Variants in CADPS2 observed in about 807,000 individuals in gnomAD.
The protein encoded by CADPS2 is calcium-dependent secretion activator 2.
Under a neutral mutation model 172.5 loss-of-function variants are expected in CADPS2, and 93 were observed. That is an observed-to-expected ratio of 0.54 (90% CI 0.46 to 0.64). The LOEUF (loss-of-function observed/expected upper bound fraction) is 0.64. Ranked by LOEUF, CADPS2 falls within the 30% of genes least tolerant of loss-of-function variation. CADPS2 has a pLI of 0.00. For synonymous variants in CADPS2, 546 were observed against 555.2 expected (o/e 0.98, Z 0.23); for missense variants, 1,420 against 1,565.9 (o/e 0.91, Z 1.57).
chr7:122,413,494 C>G (rs1235960198), intron 19 of CADPS2, among the ~76,000 whole-genome samples: 1 of 152,116 alleles, frequency 6.6e-6, no homozygotes, highest in African/African-American at 2.4e-5. Flanking sequence ...AACCTCTTAG[C>G]CCTGTAAAGT....
chr7:122,865,092 T>C (rs1817943963), intron 1 of CADPS2, among the ~76,000 whole-genome samples: 1 of 152,114 alleles, frequency 6.6e-6, no homozygotes, highest in Admixed American at 6.6e-5. Context: ...GTGAGGGAGT[T>C]CTCACTCTGT....
chr7:122,844,894 A>G (rs1811553560), intron 1 of CADPS2, among the ~76,000 whole-genome samples: 1 of 147,094 alleles, frequency 6.8e-6, no homozygotes, highest in Admixed American at 6.6e-5. Context: ...CAACATCAAA[A>G]TGAAAAAAGG....
chr7:122,712,564 G>A (rs2088918494), intron 2 of CADPS2, among the ~76,000 whole-genome samples: 1 of 152,022 alleles, frequency 6.6e-6, no homozygotes, highest in Non-Finnish European at 1.5e-5. Context: ...ATGAGGTCAT[G>A]GTTATATTTT....
At chr7:122,679,647 T>C (rs1023265124) in intron 2 of CADPS2, among the ~76,000 whole-genome samples, 10 of 152,164 alleles carry the variant, frequency 6.6e-5, no homozygotes, top group African/African-American at 2.4e-4. Context: ...GGTAAAAACT[T>C]GCTGGTTTTA....
intron 20 of CADPS2, among the ~76,000 whole-genome samples, chr7:122,397,511 G>C (rs948076618): frequency 6.6e-5 from 10 of 151,402 alleles, no homozygotes; most frequent in Non-Finnish European, 1.2e-4. Flanking sequence ...CACAAAGAGG[G>C]GGAAAGAAAG....
At chr7:122,667,500 A>C (rs77941650) in intron 2 of CADPS2, among the ~76,000 whole-genome samples, 1,650 of 152,286 alleles carry the variant, frequency 0.011, 28 homozygotes, top group African/African-American at 0.038. Flanking sequence ...TGTAATCAAC[A>C]TTTAGTGTCA....
At chr7:122,636,703 T>C (rs2077099392) in intron 3 of CADPS2, among the ~76,000 whole-genome samples, 2 of 152,148 alleles carry the variant, frequency 1.3e-5, no homozygotes, top group African/African-American at 4.8e-5. Context: ...TGACCTGATG[T>C]GATCCGCCTG....
chr7:122,558,742 T>C (rs1432127464), intron 7 of CADPS2, among the ~76,000 whole-genome samples: 1 of 152,156 alleles, frequency 6.6e-6, no homozygotes, highest in Non-Finnish European at 1.5e-5. Context: ...GAAGTAGCTT[T>C]CTCTTAAAAT....
chr7:122,591,186 C>A (rs933475781), intron 6 of CADPS2, among the ~76,000 whole-genome samples: 1 of 152,008 alleles, frequency 6.6e-6, no homozygotes, highest in Non-Finnish European at 1.5e-5. Flanking sequence ...TTCCTATACA[C>A]CAATAACAGA....
intron 28 of CADPS2, among the ~76,000 whole-genome samples, chr7:122,333,965 C>G (rs117191341): frequency 0.015 from 2,315 of 151,602 alleles, 29 homozygotes; most frequent in Non-Finnish European, 0.024. Flanking sequence ...AATACCAGAG[C>G]CAGATTCACT....
At chr7:122,701,535 A>G (rs1222440844) in intron 2 of CADPS2, 2 of 171,310 alleles carry the variant, frequency 1.2e-5, no homozygotes, top group Non-Finnish European at 2.5e-5. Flanking sequence ...GCACATGTAT[A>G]CATATGTAAC....
chr7:122,877,710 C>G (rs974892333), intron 1 of CADPS2, among the ~76,000 whole-genome samples: 2 of 151,988 alleles, frequency 1.3e-5, no homozygotes, highest in South Asian at 2.1e-4. Context: ...TTGAAGATAT[C>G]GTATGCTCCT....
chr7:122,474,882 A>G (rs1326835417), intron 12 of CADPS2, among the ~76,000 whole-genome samples: 2 of 152,208 alleles, frequency 1.3e-5, no homozygotes, highest in African/African-American at 4.8e-5. Context: ...AAAAACAGCA[A>G]TGATGCCTAG....
At chr7:122,729,656 C>T (rs1253636675) in intron 2 of CADPS2, among the ~76,000 whole-genome samples, 2 of 144,732 alleles carry the variant, frequency 1.4e-5, no homozygotes, top group African/African-American at 5.0e-5. Flanking sequence ...TCTATTTATG[C>T]CCTTTGCCCA....
At chr7:122,407,730 AG>A in intron 19 of CADPS2, 34 bp from the exon 20 acceptor site, 1 of 1,569,182 alleles carries the variant, frequency 6.4e-7, no homozygotes, top group Non-Finnish European at 8.7e-7. Flanking sequence ...GGAGAAAAGT[AG>A]ATTACTTTTT....
intron 14 of CADPS2, among the ~76,000 whole-genome samples, chr7:122,467,531 T>C (rs2055313635): frequency 6.6e-6 from 1 of 152,154 alleles, no homozygotes; most frequent in Non-Finnish European, 1.5e-5. Flanking sequence ...CCATAGAAAA[T>C]TGAGATTATT....
At chr7:122,696,881 T>C (rs1040658353) in intron 2 of CADPS2, among the ~76,000 whole-genome samples, 2 of 152,164 alleles carry the variant, frequency 1.3e-5, no homozygotes, top group African/African-American at 4.8e-5. Context: ...TCAAAAATAC[T>C]CGAGTGCCAG....
At position 122,318,975 on chromosome 7, in the gene CADPS2, A is replaced by G. The variant is rs2031838222; in HGVS notation, c.*1190T>C. 6.6e-6 allele frequency: 1 copy of G among 152,236 alleles called. No individual in the cohort carries two copies. The highest frequency in any genetic ancestry group is 1.5e-5 in the Non-Finnish European group (1 of 68,034). The allele number at this position is 152,236 out of a possible 1,614,324, so 9.4% of individuals were successfully genotyped here. A position where few individuals can be genotyped will look rare whatever the true frequency, so the allele number is the denominator to read the frequency against. ...AATCTGCCAATATGTTTTGGGAAAT[A>G]TCACAAAAATAATTCATAGAGAACT... On this transcript the variant is annotated 3_prime_UTR_variant, in exon 30 of 30. Coordinates refer to ENST00000449022, the MANE Select transcript of CADPS2 (RefSeq NM_017954.11).
chr7:122,758,045 G>C (rs897567700), intron 1 of CADPS2, among the ~76,000 whole-genome samples: 5 of 152,128 alleles, frequency 3.3e-5, no homozygotes, highest in African/African-American at 1.2e-4. Flanking sequence ...TTGACAAACT[G>C]ACATTCACAG....
Sources: gnomAD v4.1 joint callset for allele counts (sites outside exome capture counted in the v4.1 genomes callset) on GRCh38, gnomAD v4.1.1 for gene constraint, MANE v1.5 for transcripts, NCBI Gene and HGNC (gene_info 2026-07-23, HGNC 2026-07-21) for gene names.